CCSER1: variants seen among roughly 807,000 people sequenced by gnomAD.
CCSER1 encodes coiled-coil serine rich protein 1, also known as serine-rich coiled-coil domain-containing protein 1.
Under a neutral mutation model 82.0 loss-of-function variants are expected in CCSER1, and 41 were observed. The ratio of observed to expected loss-of-function variants is 0.50; its 90% CI spans 0.39 to 0.65. The LOEUF (loss-of-function observed/expected upper bound fraction) is 0.65. Ranked by LOEUF, CCSER1 falls within the 30% of genes least tolerant of loss-of-function variation. CCSER1 has a pLI of 0.00. For synonymous variants in CCSER1, 414 were observed against 383.9 expected (o/e 1.08, Z -0.92); for missense variants, 1,119 against 1,064.2 (o/e 1.05, Z -0.72).
At chr4:90,891,458 A>G (rs1464091918) in intron 8 of CCSER1, among the ~76,000 whole-genome samples, 1 of 151,708 alleles carries the variant, frequency 6.6e-6, no homozygotes, top group Non-Finnish European at 1.5e-5. Context: ...TAAATTATTT[A>G]TAAGGATTTA....
chr4:90,564,741 G>A (rs1779175006), intron 5 of CCSER1, among the ~76,000 whole-genome samples: 2 of 150,550 alleles, frequency 1.3e-5, no homozygotes, highest in African/African-American at 2.5e-5. Context: ...TTCTTCATGT[G>A]GATACCCAAT....
chr4:91,141,195 C>G (rs1429898786), intron 10 of CCSER1, among the ~76,000 whole-genome samples: 1 of 151,612 alleles, frequency 6.6e-6, no homozygotes, highest in Non-Finnish European at 1.5e-5. Context: ...TCACTGTCAC[C>G]CAGGCTGGAG....
At chr4:90,327,505 C>G (rs1451187296) in intron 3 of CCSER1, among the ~76,000 whole-genome samples, 4 of 152,098 alleles carry the variant, frequency 2.6e-5, no homozygotes, top group African/African-American at 9.7e-5. Context: ...TTTCTGTATC[C>G]TACTTGCTCC....
chr4:90,371,686 A>G (rs1270342824), intron 3 of CCSER1, among the ~76,000 whole-genome samples: 1 of 152,162 alleles, frequency 6.6e-6, no homozygotes, highest in Non-Finnish European at 1.5e-5. Flanking sequence ...ATTTGTTTTT[A>G]TTGTGGACAA....
chr4:91,578,951 T>A (rs1763593174), intron 10 of CCSER1, among the ~76,000 whole-genome samples: 1 of 151,766 alleles, frequency 6.6e-6, no homozygotes, highest in South Asian at 2.1e-4. Context: ...ATTTGAATAA[T>A]ACACATCAGA....
intron 7 of CCSER1, among the ~76,000 whole-genome samples, chr4:90,812,613 C>A (rs1182783342): frequency 6.6e-6 from 1 of 152,106 alleles, no homozygotes; most frequent in Non-Finnish European, 1.5e-5. Flanking sequence ...GATATAGTAT[C>A]TATACTAGTC....
intron 10 of CCSER1, among the ~76,000 whole-genome samples, chr4:91,526,881 CTG>C (rs1177265972): frequency 1.3e-5 from 2 of 152,170 alleles, no homozygotes; most frequent in Admixed American, 6.5e-5. Flanking sequence ...GCGTGGGCCA[CTG>C]TGCCTGGCCC....
intron 4 of CCSER1, among the ~76,000 whole-genome samples, chr4:90,465,499 T>C (rs947906875): frequency 1.1e-4 from 16 of 152,146 alleles, no homozygotes; most frequent in Non-Finnish European, 2.4e-4. Context: ...TTTTTGTATT[T>C]TTAGTAGAGA....
intron 10 of CCSER1, among the ~76,000 whole-genome samples, chr4:91,214,765 C>G (rs5011408): frequency 0.62 from 94,540 of 151,938 alleles, 30,069 homozygotes; most frequent in East Asian, 0.93. Context: ...CTTGCTATAA[C>G]AAGGGCTTAT....
At chr4:90,932,986 A>AAGAGAGAGAGAG (rs1207260853) in intron 9 of CCSER1, among the ~76,000 whole-genome samples, 1 of 29,166 alleles carries the variant, frequency 3.4e-5, no homozygotes, top group Non-Finnish European at 6.7e-5. Context: ...AAGAAAGAGA[A>AAGAGAGAGAGAG]AGAAAGAAAG....
chr4:90,618,684 G>A (rs1437736579), intron 5 of CCSER1, among the ~76,000 whole-genome samples: 2 of 151,844 alleles, frequency 1.3e-5, no homozygotes, highest in Non-Finnish European at 2.9e-5. Flanking sequence ...TAAAGGGAAG[G>A]GAAGAAGGTA....
chr4:91,218,800 C>A (rs1480516001), intron 10 of CCSER1, among the ~76,000 whole-genome samples: 1 of 152,126 alleles, frequency 6.6e-6, no homozygotes, highest in Admixed American at 6.6e-5. Flanking sequence ...CCAACACTGG[C>A]CTATCTGTTT....
At chr4:91,574,471 T>C (rs938945591) in intron 10 of CCSER1, among the ~76,000 whole-genome samples, 9 of 152,112 alleles carry the variant, frequency 5.9e-5, no homozygotes, top group Non-Finnish European at 1.3e-4. Flanking sequence ...CTATTCACAA[T>C]AGCAAAGACA....
chr4:91,030,840 AT>A (rs1484726119), intron 9 of CCSER1, among the ~76,000 whole-genome samples: 2 of 151,968 alleles, frequency 1.3e-5, no homozygotes, highest in Middle Eastern at 3.2e-3. Context: ...ATTTAAATTA[AT>A]ATTCCATTCT....
chr4:90,752,491 G>T (rs1240002416), intron 7 of CCSER1, among the ~76,000 whole-genome samples: 2 of 152,068 alleles, frequency 1.3e-5, no homozygotes, highest in African/African-American at 4.8e-5. Flanking sequence ...ATTTGAATCA[G>T]CTATGTAGGT....
intron 9 of CCSER1, among the ~76,000 whole-genome samples, chr4:90,928,122 T>C (rs1451856234): frequency 6.6e-6 from 1 of 152,068 alleles, no homozygotes; most frequent in Admixed American, 6.6e-5. Context: ...TGTATTTATA[T>C]TTACTTATCT....
Position 90,530,972 on chromosome 4 carries a change from T to G in CCSER1, c.1724+62618T>G, listed in dbSNP as rs186407589. ...TACTGTCAGAAGCAAATATTTTACT[T>G]AAATCAGTAAAATGATTGTCCTTAA... On this transcript the variant is annotated intron_variant, in intron 5 of 10. Transcript: ENST00000509176. Among the ~76,000 whole-genome samples the G allele has an allele frequency of 1.1e-4, 16 of 152,338 alleles. No individual in the cohort carries two copies. In the East Asian group the frequency reaches 1.9e-3, roughly 18 times the overall value.
intron 1 of CCSER1, among the ~76,000 whole-genome samples, chr4:90,305,480 AC>A (rs1255570687): frequency 6.6e-5 from 10 of 152,130 alleles, no homozygotes; most frequent in African/African-American, 2.4e-4. Flanking sequence ...TGTTAGTTAA[AC>A]CATTTTAAAG....
At chr4:90,780,433 T>A in intron 7 of CCSER1, 4 of 1,610,136 alleles carry the variant, frequency 2.5e-6, no homozygotes, top group Non-Finnish European at 3.4e-6. Flanking sequence ...ATTTTTATTG[T>A]TTTTACAGAC....
Sources: gnomAD v4.1 joint callset for allele counts (sites outside exome capture counted in the v4.1 genomes callset) on GRCh38, gnomAD v4.1.1 for gene constraint, MANE v1.5 for transcripts, NCBI Gene and HGNC (gene_info 2026-07-23, HGNC 2026-07-21) for gene names.